KRT83: variants seen among roughly 807,000 people sequenced by gnomAD.
The protein encoded by KRT83 is keratin, type II cuticular Hb3.
A neutral mutation model predicts 52.9 loss-of-function variants in KRT83; 51 were observed. That is an observed-to-expected ratio of 0.96 (90% CI 0.77 to 1.22). The LOEUF is 1.22. KRT83 is among the 50% of genes most tolerant of loss of function. The probability of loss-of-function intolerance (pLI) is 0.00; values close to 1 mark genes in which losing one functional copy is unlikely to be tolerated. For missense variants in KRT83, 654 were observed against 666.5 expected (o/e 0.98, Z 0.21); for synonymous variants, 278 against 274.1 (o/e 1.01, Z -0.14).
At chr12:52,315,412 G>T in intron 7 of KRT83, 69 bp from the exon 8 acceptor site, 1 of 1,494,258 alleles carries the variant, frequency 6.7e-7, no homozygotes, top group Non-Finnish European at 9.3e-7. Flanking sequence ...ATTTCCGCTA[G>T]GTGCTGAAAT....
chr12:52,317,894 G>C lies in KRT83; in HGVS notation c.654+16C>G. On this transcript the variant is annotated intron_variant, in intron 3 of 8. Coordinates refer to ENST00000293670, the MANE Select transcript of KRT83 (RefSeq NM_002282.3). The stretch of plus-strand genomic sequence containing the variant: ...GGGACTCAGGGCGGGCTCAGGGCCA[G>C]CTGGGCTTCACTCACCTTCTTTAGA... 1 of 1,614,038 alleles carries C rather than the reference G, an allele frequency of 6.2e-7. No individual in the cohort carries two copies. The highest frequency in any genetic ancestry group is 8.5e-7 in the Non-Finnish European group (1 of 1,179,896).
chr12:52,317,050 A>G, intron 4 of KRT83, 27 bp from the exon 5 acceptor site: 1 of 1,614,182 alleles, frequency 6.2e-7, no homozygotes, highest in East Asian at 2.2e-5. Context: ...AAGGAAGGAC[A>G]ACTCACTTAT....
chr12:52,314,724 G>T lies in KRT83; in HGVS notation c.1389C>A (p.Asn463Lys). The T allele has an allele frequency of 6.3e-7, 1 of 1,589,392 alleles. No individual in the cohort carries two copies. Among genetic ancestry groups the T allele is most frequent in the African/African-American group, 1.3e-5 (1 of 74,692 alleles). The change falls in exon 9 of 9, where the codon AAC becomes AAA. Residue 463 changes from asparagine to lysine, a missense_variant. Transcript: ENST00000293670. ...AACCAGTGCTCACCACCAGGTTCCC[G>T]TTGCAGGGGGCACTGCAGACGCTGC... Reference protein sequence around the residue: ...VTGSVCSAPCNGNLVVSTGLC... With the variant: ...VTGSVCSAPCKGNLVVSTGLC...
At position 52,314,507 on chromosome 12, in the gene KRT83, G is replaced by T; in HGVS notation, c.*124C>A. ...GGGGAGGAGCCGCTGGTGGGAATGA[G>T]CCGATGGTGTATTCTCAGAACACAA... On this transcript the variant is annotated 3_prime_UTR_variant, in exon 9 of 9. Transcript: ENST00000293670. 2.2e-6 allele frequency: 2 copies of T among 919,342 alleles called. No homozygotes were observed. The highest frequency in any genetic ancestry group is 1.7e-6 in the Non-Finnish European group (1 of 575,344). 56.9% of individuals were successfully genotyped at this position (919,342 alleles called of 1,614,324 possible). A position where few individuals can be genotyped will look rare whatever the true frequency, so the allele number is the denominator to read the frequency against.
Position 52,314,538 on chromosome 12 carries a change from A to C in KRT83, c.*93T>G. ...GGTGTATTCTCAGAACACAAGGGGA[A>C]AAGCCAGCGATGTGCTGCTGTTTTC... On this transcript the variant is annotated 3_prime_UTR_variant, in exon 9 of 9. Transcript: ENST00000293670. The C allele has an allele frequency of 8.3e-7, 1 of 1,203,382 alleles. No individual in the cohort carries two copies. Among genetic ancestry groups the C allele is most frequent in the African/African-American group, 1.5e-5 (1 of 65,636 alleles). 74.5% of individuals were successfully genotyped at this position (1,203,382 alleles called of 1,614,324 possible).
intron 8 of KRT83, 131 bp from the exon 9 acceptor site, chr12:52,314,949 A>T (rs201828094): frequency 2.5e-5 from 13 of 512,376 alleles, no homozygotes; most frequent in Non-Finnish European, 3.8e-5. Flanking sequence ...ATTCTGAAGG[A>T]GGGAACCCTA....
chr12:52,317,445 C>A (rs1284066335), intron 4 of KRT83, among the ~76,000 whole-genome samples: 2 of 152,154 alleles, frequency 1.3e-5, no homozygotes, highest in African/African-American at 4.8e-5. Flanking sequence ...AGGGCAGGTT[C>A]CCAAGGCACA....
At chr12:52,317,884 C>G in intron 3 of KRT83, 26 bp downstream of exon 3, 1 of 1,613,916 alleles carries the variant, frequency 6.2e-7, no homozygotes, top group Non-Finnish European at 8.5e-7. Context: ...TCAGGGCGGG[C>G]TCAGGGCCAG....
intron 8 of KRT83, 150 bp from the exon 9 acceptor site, chr12:52,314,968 G>A: frequency 1.2e-6 from 1 of 825,352 alleles, no homozygotes; most frequent in East Asian, 2.7e-5. Context: ...TAGCCTGGGA[G>A]CCAGCAGACC....
chr12:52,316,714 C>T (rs551693119), intron 5 of KRT83, 121 bp from the exon 6 acceptor site: 2 of 1,584,434 alleles, frequency 1.3e-6, no homozygotes, highest in Admixed American at 1.7e-5. Context: ...GGCAGTCCTG[C>T]CCTGCCACCC....
chr12:52,316,748 C>A, intron 5 of KRT83, 111 bp downstream of exon 5: 1 of 1,602,110 alleles, frequency 6.2e-7, no homozygotes, highest in South Asian at 1.1e-5. Flanking sequence ...ATTGGTTTTT[C>A]TCTTACCATC....
In KRT83 at chr12:52,316,959, C is replaced by T. The variant is rs369510264; in HGVS notation, c.815G>A (p.Arg272Gln). The change falls in exon 5 of 9, where the codon CGG (arginine) becomes CAG (glutamine). Residue 272 changes from arginine to glutamine, a missense_variant. Physicochemically the swap from Arg to Gln is conservative, Grantham distance 43. Coordinates refer to ENST00000293670, the MANE Select transcript of KRT83 (RefSeq NM_002282.3). The part of the protein sequence containing the change: ...TSVVVKLDNS[R>Q]DLNMDCIVAE... ...AACGATGCAGTCCATGTTCAGGTCCCGGCTGTTGTCCAGCTTGACAACCAC... is the reference window on the plus strand; with the variant it reads ...AACGATGCAGTCCATGTTCAGGTCCTGGCTGTTGTCCAGCTTGACAACCAC... The T allele has an allele frequency of 1.5e-5, 24 of 1,614,066 alleles. No homozygotes were observed. The highest frequency in any genetic ancestry group is 1.6e-4 in the Middle Eastern group (1 of 6,084).
At chr12:52,316,742 G>A (rs886138845) in intron 5 of KRT83, 117 bp downstream of exon 5, 3 of 1,598,756 alleles carry the variant, frequency 1.9e-6, no homozygotes, top group African/African-American at 1.3e-5. Context: ...AGAGCTATTG[G>A]TTTTTCTCTT....
At chr12:52,315,408 G>A (rs760032840) in intron 7 of KRT83, 65 bp from the exon 8 acceptor site, 36 of 1,508,498 alleles carry the variant, frequency 2.4e-5, no homozygotes, top group South Asian at 2.0e-4. Flanking sequence ...TCGAATTTCC[G>A]CTAGGTGCTG....
intron 1 of KRT83, among the ~76,000 whole-genome samples, chr12:52,319,882 A>T (rs1313872583): frequency 6.6e-6 from 1 of 152,200 alleles, no homozygotes; most frequent in Non-Finnish European, 1.5e-5. Flanking sequence ...CTGCAATATG[A>T]GAGTAGGAAT....
Position 52,317,711 on chromosome 12 carries a change from C to T in KRT83, c.720G>A (p.Glu240=). ...LEANVEALIQ[E]IDFLRRLYEE... ...CGTACAGCCGCCTCAGGAAGTCAAT[C>T]TCCTGGATCAGGGCCTCCACGTTGG... Residue 240 remains glutamate, a synonymous_variant, in exon 4 of 9, where the codon GAG becomes GAA. Coordinates refer to ENST00000293670, the MANE Select transcript of KRT83 (RefSeq NM_002282.3). The T allele has an allele frequency of 6.2e-7, 1 of 1,613,126 alleles. No homozygotes were observed. The highest frequency in any genetic ancestry group is 1.9e-4 in the Middle Eastern group (1 of 5,174).
chr12:52,319,080 C>T (rs867909772), intron 2 of KRT83, 76 bp downstream of exon 2: 1 of 1,605,352 alleles, frequency 6.2e-7, no homozygotes, highest in Non-Finnish European at 8.5e-7. Context: ...CAGCTGCAGA[C>T]TGGATACTCC....
Position 52,316,966 on chromosome 12 carries a change from T to G in KRT83, c.808A>C (p.Asn270His), listed in dbSNP as rs758042365. The G allele has an allele frequency of 1.9e-6, 3 of 1,614,206 alleles. No homozygotes were observed. The highest frequency in any genetic ancestry group is 2.5e-6 in the Non-Finnish European group (3 of 1,180,036). ...SDTSVVVKLD[N>H]SRDLNMDCIV... ...CAGTCCATGTTCAGGTCCCGGCTGT[T>G]GTCCAGCTTGACAACCACGGAGGTG... The change falls in exon 5 of 9, where the codon AAC becomes CAC. Residue 270 changes from asparagine (N) to histidine (H), a missense_variant. Asn to His is a moderately conservative substitution (Grantham distance 68). Transcript: ENST00000293670.
chr12:52,315,361 A>G lies in KRT83; in HGVS notation c.1263-18T>C, dbSNP rs1298526323. The G allele has an allele frequency of 1.2e-6, 2 of 1,613,174 alleles. No homozygotes were observed. The highest frequency in any genetic ancestry group is 1.1e-5 in the South Asian group (1 of 91,040). ...CACACAGCCTGAGTGGGGAAAAAGT[A>G]AGGAAGGGGAAGATAAAAGAAGTCA... is the stretch of plus-strand genomic sequence containing the variant. On this transcript the variant is annotated intron_variant, in intron 7 of 8. Transcript: ENST00000293670.
Sources: gnomAD v4.1 joint callset for allele counts (sites outside exome capture counted in the v4.1 genomes callset) on GRCh38, gnomAD v4.1.1 for gene constraint, MANE v1.5 for transcripts, NCBI Gene and HGNC (gene_info 2026-07-23, HGNC 2026-07-21) for gene names.